Variants in UCHL5 observed in about 807,000 individuals in gnomAD.
UCHL5 encodes ubiquitin carboxyl-terminal hydrolase isozyme L5.
A neutral mutation model predicts 53.8 loss-of-function variants in UCHL5; 34 were observed. The ratio of observed to expected loss-of-function variants is 0.63; its 90% CI spans 0.48 to 0.84. The LOEUF (loss-of-function observed/expected upper bound fraction) is 0.84. UCHL5 is among the 40% of genes least tolerant of loss of function. The probability of loss-of-function intolerance (pLI) is 0.00; values close to 1 mark genes in which losing one functional copy is unlikely to be tolerated. For synonymous variants in UCHL5, 111 were observed against 126.3 expected (o/e 0.88, Z 0.81); for missense variants, 290 against 385.6 (o/e 0.75, Z 2.08).
At chr1:193,018,902 C>A (rs959624245) in intron 10 of UCHL5, 10 of 1,136,744 alleles carry the variant, frequency 8.8e-6, no homozygotes, top group Non-Finnish European at 1.2e-5. Context: ...AGAAGTATTA[C>A]CATTAAGTAA....
chr1:193,022,512 T>C (rs767930541), intron 9 of UCHL5, among the ~76,000 whole-genome samples: 2 of 151,778 alleles, frequency 1.3e-5, no homozygotes, highest in Non-Finnish European at 2.9e-5. Context: ...ACACAAAAAA[T>C]TAGCCTAGCC....
At chr1:193,051,062 C>T (rs1668882285) in intron 2 of UCHL5, among the ~76,000 whole-genome samples, 1 of 152,180 alleles carries the variant, frequency 6.6e-6, no homozygotes, top group Non-Finnish European at 1.5e-5. Flanking sequence ...TACCTATCAC[C>T]TTCTTACTAT....
chr1:193,027,682 C>A (rs973431332), intron 7 of UCHL5, among the ~76,000 whole-genome samples: 1 of 151,860 alleles, frequency 6.6e-6, no homozygotes, highest in South Asian at 2.1e-4. Flanking sequence ...GAGACTCTGT[C>A]TCAAAAAATA....
chr1:193,018,786 T>C, intron 10 of UCHL5: 1 of 1,552,458 alleles, frequency 6.4e-7, no homozygotes, highest in Non-Finnish European at 8.7e-7. Context: ...TTCCTTCTAT[T>C]CCTTCTCACA....
chr1:193,058,462 G>A (rs1671512170), intron 1 of UCHL5, among the ~76,000 whole-genome samples: 3 of 152,320 alleles, frequency 2.0e-5, no homozygotes, highest in African/African-American at 7.2e-5. Context: ...AGATAAATAG[G>A]GAAGGATAAA....
chr1:193,031,810 G>C (rs1357397661), intron 3 of UCHL5, among the ~76,000 whole-genome samples: 1 of 152,060 alleles, frequency 6.6e-6, no homozygotes, highest in Non-Finnish European at 1.5e-5. Flanking sequence ...AGTTCTATTT[G>C]AAAGAACTGT....
chr1:193,046,927 G>A (rs1172123134), intron 3 of UCHL5, among the ~76,000 whole-genome samples: 1 of 151,742 alleles, frequency 6.6e-6, no homozygotes, highest in African/African-American at 2.4e-5. Flanking sequence ...AGAAAATGTG[G>A]GAGGAAGTAT....
chr1:193,013,509 C>T lies in UCHL5; in HGVS notation c.*2842G>A, dbSNP rs1378078274. On this transcript the variant is annotated 3_prime_UTR_variant, in exon 11 of 11. Coordinates refer to ENST00000367454, the MANE Select transcript of UCHL5 (RefSeq NM_001199261.3). The stretch of plus-strand genomic sequence containing the variant: ...TAACACACAAAAACATATGTGTACA[C>T]ATGAGGAAAAAGGATCACTAAATAC... The T allele has an allele frequency of 6.6e-6, 1 of 152,130 alleles. No individual in the cohort carries two copies. Among genetic ancestry groups the T allele is most frequent in the Non-Finnish European group, 1.5e-5 (1 of 68,014 alleles). The allele number at this position is 152,130 out of a possible 1,614,324, so 9.4% of individuals were successfully genotyped here. A position where few individuals can be genotyped will look rare whatever the true frequency, so the allele number is the denominator to read the frequency against.
Position 193,029,408 on chromosome 1 carries a change from T to C in UCHL5, c.414A>G (p.Gln138=), listed in dbSNP as rs369486268. The change falls in exon 5 of 11, where the codon CAA becomes CAG. Residue 138 remains glutamine, a synonymous_variant. Transcript: ENST00000367454. ...TTTACCTGGCGAAACTGTTGTGTAC[T>C]TGTCGAATCACATCTGAATTGCTCA... ...LALSNSDVIR[Q]VHNSFARQQM... 2.5e-5 allele frequency: 40 copies of C among 1,613,712 alleles called. No homozygotes were observed. Among genetic ancestry groups the C allele is most frequent in the Non-Finnish European group, 3.2e-5 (38 of 1,179,886 alleles).
intron 10 of UCHL5, chr1:193,018,852 C>G (rs1456494777): frequency 2.5e-5 from 38 of 1,547,734 alleles, no homozygotes; most frequent in Non-Finnish European, 3.2e-5. Context: ...ATCCACTATT[C>G]CAACTTATCT....
At chr1:193,049,924 T>C in intron 2 of UCHL5, 73 bp from the exon 3 acceptor site, 1 of 1,290,910 alleles carries the variant, frequency 7.7e-7, no homozygotes, top group Non-Finnish European at 1.0e-6. Context: ...CTATAAAATT[T>C]TAGTCAGTTA....
chr1:193,015,002 T>C lies in UCHL5; in HGVS notation c.*1349A>G, dbSNP rs1654690053. 6.6e-6 allele frequency: 1 copy of C among 152,132 alleles called. No homozygotes were observed. Among genetic ancestry groups the C allele is most frequent in the African/African-American group, 2.4e-5 (1 of 41,446 alleles). 9.4% of individuals were successfully genotyped at this position (152,132 alleles called of 1,614,324 possible). A position where few individuals can be genotyped will look rare whatever the true frequency, so the allele number is the denominator to read the frequency against. ...ATATCATGGCTTTGAAAACACTCCATAATTATTACTGTATCAACAGCAAAA... is the reference window on the plus strand; with the variant it reads ...ATATCATGGCTTTGAAAACACTCCACAATTATTACTGTATCAACAGCAAAA... On this transcript the variant is annotated 3_prime_UTR_variant, in exon 11 of 11. Coordinates refer to ENST00000367454, the MANE Select transcript of UCHL5 (RefSeq NM_001199261.3).
rs1657376679 is a variant in UCHL5, at chr1:193,022,388, T to C, written c.843+538A>G. On this transcript the variant is annotated intron_variant, in intron 9 of 10. Coordinates refer to ENST00000367454, the MANE Select transcript of UCHL5 (RefSeq NM_001199261.3). The stretch of plus-strand genomic sequence containing the variant: ...CTTTACTACCATAACACATGACAAA[T>C]GACATATACATTCCACATCCAAGCA... 2.0e-5 allele frequency among the ~76,000 whole-genome samples: 3 copies of C among 151,976 alleles called. No homozygotes were observed. The South Asian group carries it at 6.2e-4, about 32-fold the overall frequency.
At chr1:193,056,754 T>A (rs1230283551) in intron 1 of UCHL5, among the ~76,000 whole-genome samples, 1 of 152,166 alleles carries the variant, frequency 6.6e-6, no homozygotes. Flanking sequence ...TTTGAAAGAA[T>A]CAACAGCCAA....
chr1:193,032,838 C>T (rs1189849516), intron 3 of UCHL5, among the ~76,000 whole-genome samples: 4 of 152,170 alleles, frequency 2.6e-5, no homozygotes, highest in South Asian at 4.1e-4. Flanking sequence ...TACCATCTCA[C>T]GCCAGTTAGA....
intron 1 of UCHL5, among the ~76,000 whole-genome samples, chr1:193,053,538 A>C (rs764935020): frequency 6.6e-6 from 1 of 152,222 alleles, no homozygotes; most frequent in Non-Finnish European, 1.5e-5. Context: ...AAGAGAAATA[A>C]GCGCTGATTC....
At chr1:193,059,820 C>G (rs749996058), upstream of UCHL5, 3 of 1,357,228 alleles carry the variant, frequency 2.2e-6, no homozygotes, top group African/African-American at 3.0e-5. This position sits in a 1 kb window ranked among gnomAD's most constrained non-coding sequence, Gnocchi z 4.9. Flanking sequence ...TTTGTGCGGC[C>G]CCAGGGACGC....
chr1:193,059,255 C>T lies in UCHL5; in HGVS notation c.6G>A (p.Thr2=). 1 of 1,614,066 alleles carries T rather than the reference C, an allele frequency of 6.2e-7. No homozygotes were observed. The highest frequency in any genetic ancestry group is 8.5e-7 in the Non-Finnish European group (1 of 1,179,996). M[T]GNAGEWCLME... ...TGAGGCACCACTCCCCGGCATTGCC[C>T]GTCATGGCCCTGGCCACACACCGCC... The change falls in exon 1 of 11, where the codon ACG becomes ACA. Residue 2 remains threonine (T), a synonymous_variant. Coordinates refer to ENST00000367454, the MANE Select transcript of UCHL5 (RefSeq NM_001199261.3). The surrounding 1 kb of genome is among the most constrained non-coding windows in gnomAD (Gnocchi z 4.9).
chr1:193,051,414 C>G (rs1669000670), intron 2 of UCHL5, among the ~76,000 whole-genome samples: 1 of 141,024 alleles, frequency 7.1e-6, no homozygotes. Context: ...AGCTATTGTT[C>G]TTGCTTTTTA....
Sources: allele counts gnomAD v4.1 joint callset (sites outside exome capture counted in the v4.1 genomes callset), GRCh38; gene constraint gnomAD v4.1.1; non-coding constraint Gnocchi (gnomAD v3.1); transcripts MANE v1.5; gene names NCBI Gene and HGNC (gene_info 2026-07-23, HGNC 2026-07-21).